Variants in RBFOX1 observed in about 807,000 individuals in gnomAD.
RBFOX1 encodes RNA binding fox-1 homolog 1.
RBFOX1 carries 8 observed loss-of-function variants against 57.7 expected under a neutral mutation model. That is an observed-to-expected ratio of 0.14 (90% CI 0.08 to 0.25). The LOEUF (loss-of-function observed/expected upper bound fraction) is 0.25, where lower values mean the gene tolerates loss of function less well. RBFOX1 is among the 10% of genes least tolerant of loss of function. The pLI, the probability that RBFOX1 is intolerant of heterozygous loss-of-function variation, is 1.00. For missense variants in RBFOX1, 611 were observed against 548.5 expected (o/e 1.11, Z -1.14); for synonymous variants, 326 against 222.4 (o/e 1.47, Z -4.15).
At chr16:7,651,594 G>A (rs750663381) in intron 11 of RBFOX1, among the ~76,000 whole-genome samples, 17 of 152,310 alleles carry the variant, frequency 1.1e-4, no homozygotes, top group South Asian at 8.3e-4. Flanking sequence ...AAGGTGGAAC[G>A]CTTCTACTCC....
At chr16:7,249,644 A>C (rs952347022) in intron 4 of RBFOX1, among the ~76,000 whole-genome samples, 2 of 151,808 alleles carry the variant, frequency 1.3e-5, no homozygotes, top group African/African-American at 4.8e-5. Flanking sequence ...GGGCTGAAGA[A>C]TAAAATCATT....
intron 3 of RBFOX1, among the ~76,000 whole-genome samples, chr16:6,864,243 G>C (rs1280766100): frequency 6.6e-6 from 1 of 151,992 alleles, no homozygotes; most frequent in East Asian, 1.9e-4. Flanking sequence ...TCTTCTCAAA[G>C]CATAACTCTT....
At chr16:6,132,232 A>G (rs2152678589) in intron 1 of RBFOX1, among the ~76,000 whole-genome samples, 1 of 152,308 alleles carries the variant, frequency 6.6e-6, no homozygotes, top group Non-Finnish European at 1.5e-5. Context: ...AGCAATGCTC[A>G]GCAAGTATTC....
chr16:5,618,164 C>G (rs746813943), intron 3 of RBFOX1, among the ~76,000 whole-genome samples: 8 of 152,198 alleles, frequency 5.3e-5, no homozygotes, highest in Non-Finnish European at 1.0e-4. Flanking sequence ...ACAGCTCTCC[C>G]TACTCTGTCG....
intron 1 of RBFOX1, among the ~76,000 whole-genome samples, chr16:6,080,296 T>A (rs2095980822): frequency 6.6e-6 from 1 of 151,522 alleles, no homozygotes; most frequent in Non-Finnish European, 1.5e-5. Context: ...AATACCACCA[T>A]TTTCTGCTTC....
chr16:7,172,208 C>T (rs2080835721), intron 4 of RBFOX1, among the ~76,000 whole-genome samples: 2 of 152,154 alleles, frequency 1.3e-5, no homozygotes, highest in Non-Finnish European at 2.9e-5. Flanking sequence ...TCCATATTTT[C>T]TTATATTACC....
intron 1 of RBFOX1, among the ~76,000 whole-genome samples, chr16:5,309,399 T>C (rs1256204663): frequency 6.6e-6 from 1 of 152,200 alleles, no homozygotes; most frequent in African/African-American, 2.4e-5. Context: ...ACTTAGTGGT[T>C]ATATGCCACA....
intron 3 of RBFOX1, among the ~76,000 whole-genome samples, chr16:5,861,444 A>G (rs2057210515): frequency 6.6e-6 from 1 of 152,220 alleles, no homozygotes; most frequent in Non-Finnish European, 1.5e-5. Flanking sequence ...GTCACATCTT[A>G]AGCGTAGCAG....
chr16:6,962,307 C>G (rs993555928), intron 3 of RBFOX1, among the ~76,000 whole-genome samples: 1 of 152,158 alleles, frequency 6.6e-6, no homozygotes, highest in Non-Finnish European at 1.5e-5. Context: ...TCAGGACAAT[C>G]TCATCTTGAG....
At chr16:7,488,405 A>G (rs914491030) in intron 4 of RBFOX1, among the ~76,000 whole-genome samples, 4 of 150,692 alleles carry the variant, frequency 2.7e-5, no homozygotes, top group African/African-American at 7.3e-5. Context: ...CTCTATATCT[A>G]TCTACTGTCT....
chr16:5,366,486 C>G lies in RBFOX1; in HGVS notation c.220-100730C>G, dbSNP rs370430724. Reference sequence around the variant, plus strand: ...CACCAAGATCAAAAGGGCAAGAATCCTTCAAGAAACAGGAAAAAACTGCTA... The same window carrying G: ...CACCAAGATCAAAAGGGCAAGAATCGTTCAAGAAACAGGAAAAAACTGCTA... On this transcript the variant is annotated intron_variant, in intron 1 of 2. Transcript: ENST00000585867. 2.2e-4 allele frequency: 96 copies of G among 430,374 alleles called. No individual in the cohort carries two copies. In the East Asian group the frequency reaches 4.8e-3, roughly 22 times the overall value. 26.7% of individuals were successfully genotyped at this position (430,374 alleles called of 1,614,324 possible).
At chr16:6,694,330 G>T (rs996581984) in intron 3 of RBFOX1, among the ~76,000 whole-genome samples, 1 of 152,130 alleles carries the variant, frequency 6.6e-6, no homozygotes, top group African/African-American at 2.4e-5. Context: ...AGATTATCTG[G>T]CATTTGGAGT....
rs535393150 is a variant in RBFOX1 at position 7,037,054 on chromosome 16, G to T, written c.-15-15003G>T. 3.3e-5 allele frequency among the ~76,000 whole-genome samples: 5 copies of T among 152,150 alleles called. No homozygotes were observed. In the South Asian group the frequency reaches 1.0e-3, roughly 32 times the overall value. On this transcript the variant is annotated intron_variant, in intron 3 of 15. Transcript: ENST00000550418. The stretch of plus-strand genomic sequence containing the variant: ...AGTGTGGCAGTGAGGACAACCAGAG[G>T]TCACCTTCGTCACCATCTTGGTTTT...
intron 3 of RBFOX1, among the ~76,000 whole-genome samples, chr16:7,016,520 C>A (rs1337403284): frequency 6.6e-6 from 1 of 152,160 alleles, no homozygotes; most frequent in African/African-American, 2.4e-5. Flanking sequence ...GTGTATTCAG[C>A]ACACCTATGT....
At chr16:6,085,800 C>T (rs1381079513) in intron 1 of RBFOX1, among the ~76,000 whole-genome samples, 4 of 152,184 alleles carry the variant, frequency 2.6e-5, no homozygotes, top group African/African-American at 9.6e-5. Flanking sequence ...CATCTTATCT[C>T]TGTAAAATAG....
intron 4 of RBFOX1, among the ~76,000 whole-genome samples, chr16:7,074,059 C>G (rs114975117): frequency 6.6e-6 from 1 of 152,112 alleles, no homozygotes; most frequent in Non-Finnish European, 1.5e-5. Flanking sequence ...GAAGGTTGGA[C>G]AGTTTCAACG....
At chr16:7,144,420 T>C (rs72763594) in intron 4 of RBFOX1, among the ~76,000 whole-genome samples, 15 of 10,204 alleles carry the variant, frequency 1.5e-3, no homozygotes, top group Non-Finnish European at 2.4e-3. Flanking sequence ...CTTTCTTCTT[T>C]TTTTTTTTTT....
At chr16:6,179,495 G>T (rs2097045230) in intron 1 of RBFOX1, among the ~76,000 whole-genome samples, 1 of 152,196 alleles carries the variant, frequency 6.6e-6, no homozygotes, top group Non-Finnish European at 1.5e-5. Context: ...TCTTCTGGGG[G>T]CTGGGCTGTA....
chr16:6,960,724 C>G (rs954829777), intron 3 of RBFOX1, among the ~76,000 whole-genome samples: 5 of 152,050 alleles, frequency 3.3e-5, no homozygotes, highest in African/African-American at 7.2e-5. Flanking sequence ...CTGTCTCTAC[C>G]TGTCACCACT....
Sources: gnomAD v4.1 joint callset for allele counts (sites outside exome capture counted in the v4.1 genomes callset) on GRCh38, gnomAD v4.1.1 for gene constraint, MANE v1.5 for transcripts, NCBI Gene and HGNC (gene_info 2026-07-23, HGNC 2026-07-21) for gene names.